Variants in EPHA6 observed in about 807,000 individuals in gnomAD.
EPHA6 encodes EPH receptor A6, also known as ephrin type-A receptor 6.
Under a neutral mutation model 112.0 loss-of-function variants are expected in EPHA6, and 50 were observed. The observed-to-expected ratio is 0.45, with a 90% CI of 0.36 to 0.56. The LOEUF is 0.56. EPHA6 is among the 20% of genes least tolerant of loss of function. The pLI is 0.00. For missense variants in EPHA6, 1,280 were observed against 1,417.4 expected, an observed-to-expected ratio of 0.90 and a Z score of 1.56; for synonymous variants, 529 against 490.7, an observed-to-expected ratio of 1.08 and a Z score of -1.03.
At chr3:97,226,526 C>A in intron 4 of EPHA6, 107 bp downstream of exon 4, 1 of 1,025,082 alleles carries the variant, frequency 9.8e-7, no homozygotes, top group Non-Finnish European at 1.4e-6. Context: ...ATTATCAATG[C>A]CATTTGTCTG....
At chr3:97,404,739 G>A (rs988496939) in intron 5 of EPHA6, among the ~76,000 whole-genome samples, 1 of 152,044 alleles carries the variant, frequency 6.6e-6, no homozygotes, top group Non-Finnish European at 1.5e-5. Flanking sequence ...TAGAGGAAAG[G>A]GAGAAGCCTA....
intron 11 of EPHA6, among the ~76,000 whole-genome samples, chr3:97,581,317 T>G (rs1455834732): frequency 1.3e-5 from 2 of 152,222 alleles, no homozygotes; most frequent in Non-Finnish European, 1.5e-5. Flanking sequence ...CTATCTTGCA[T>G]GAATGTTGTC....
intron 14 of EPHA6, among the ~76,000 whole-genome samples, chr3:97,706,653 G>T (rs1372881287): frequency 1.3e-5 from 2 of 152,118 alleles, no homozygotes; most frequent in East Asian, 1.9e-4. Flanking sequence ...CTCTGAAGGG[G>T]TGTCCTAGTC....
intron 2 of EPHA6, among the ~76,000 whole-genome samples, chr3:96,968,073 G>T (rs2042190293): frequency 6.6e-6 from 1 of 150,992 alleles, no homozygotes; most frequent in Admixed American, 6.6e-5. Context: ...ATTTTCTGTA[G>T]TTTACAATGT....
At chr3:97,328,006 T>TACACACACAC (rs2082548610) in intron 5 of EPHA6, among the ~76,000 whole-genome samples, 6 of 135,594 alleles carry the variant, frequency 4.4e-5, no homozygotes, top group African/African-American at 1.3e-4. Flanking sequence ...TGTATGTATA[T>TACACACACAC]GTATATGTGT....
intron 5 of EPHA6, among the ~76,000 whole-genome samples, chr3:97,379,969 G>C (rs1181391318): frequency 6.6e-6 from 1 of 152,030 alleles, no homozygotes; most frequent in Non-Finnish European, 1.5e-5. Flanking sequence ...TAATGTGGCA[G>C]ACAAATTTGC....
chr3:96,933,184 C>A (rs528230825), intron 2 of EPHA6, among the ~76,000 whole-genome samples: 1 of 152,084 alleles, frequency 6.6e-6, no homozygotes, highest in Non-Finnish European at 1.5e-5. Flanking sequence ...ATTTCCTAAG[C>A]AAGGACATAA....
chr3:97,268,429 T>C (rs1196061428), intron 5 of EPHA6, among the ~76,000 whole-genome samples: 1 of 152,154 alleles, frequency 6.6e-6, no homozygotes, highest in Non-Finnish European at 1.5e-5. Flanking sequence ...TTTGTTAATT[T>C]AACTATTTAA....
At chr3:96,904,749 C>G (rs911160897) in intron 2 of EPHA6, among the ~76,000 whole-genome samples, 6 of 151,994 alleles carry the variant, frequency 3.9e-5, no homozygotes, top group Admixed American at 2.0e-4. Context: ...AAATGTACAG[C>G]AGATATGTAT....
chr3:96,831,751 A>G (rs1200979728), intron 1 of EPHA6, among the ~76,000 whole-genome samples: 1 of 152,074 alleles, frequency 6.6e-6, no homozygotes, highest in Non-Finnish European at 1.5e-5. Flanking sequence ...AAGCAATAGG[A>G]ATTGAAGCTA....
chr3:97,439,296 G>C (rs374090883), intron 6 of EPHA6, among the ~76,000 whole-genome samples: 1 of 152,076 alleles, frequency 6.6e-6, no homozygotes, highest in Non-Finnish European at 1.5e-5. Context: ...TTAATGATAC[G>C]TCCCCAGAAA....
chr3:97,016,357 G>T (rs183239620), intron 3 of EPHA6, among the ~76,000 whole-genome samples: 15 of 152,114 alleles, frequency 9.9e-5, no homozygotes, highest in African/African-American at 3.1e-4. Context: ...AGTTTTGACA[G>T]AATCTCCACT....
At chr3:96,942,602 C>T (rs543403819) in intron 2 of EPHA6, among the ~76,000 whole-genome samples, 17 of 152,330 alleles carry the variant, frequency 1.1e-4, no homozygotes, top group East Asian at 5.8e-4. Context: ...GGCTAGCACA[C>T]GGTGCGCTGC....
chr3:97,426,573 T>G (rs543779996), intron 6 of EPHA6, among the ~76,000 whole-genome samples: 35 of 152,232 alleles, frequency 2.3e-4, no homozygotes, highest in African/African-American at 7.9e-4. Flanking sequence ...GACTTAAATA[T>G]AAAACCAAAA....
At chr3:97,572,661 T>G (rs1488828515) in intron 11 of EPHA6, 1 of 152,176 alleles carries the variant, frequency 6.6e-6, no homozygotes, top group Non-Finnish European at 1.5e-5. Flanking sequence ...AAGTATAACA[T>G]ATTTTTATTT....
intron 4 of EPHA6, among the ~76,000 whole-genome samples, chr3:97,227,297 T>TCCACCTCCCGGATTCTCC (rs2078388746): frequency 1.3e-5 from 2 of 151,784 alleles, no homozygotes; most frequent in Non-Finnish European, 1.5e-5. Context: ...CCCGGCTCAC[T>TCCACCTCCCGGATTCTCC]GCAGCCTCCA....
chr3:96,923,644 G>A (rs1417814418), intron 2 of EPHA6, among the ~76,000 whole-genome samples: 4 of 151,528 alleles, frequency 2.6e-5, no homozygotes, highest in Non-Finnish European at 5.9e-5. Context: ...TTTAATTAGA[G>A]CTCAATTTTT....
chr3:97,349,745 A>G (rs926266637), intron 5 of EPHA6, among the ~76,000 whole-genome samples: 2 of 152,012 alleles, frequency 1.3e-5, no homozygotes, highest in East Asian at 1.9e-4. Context: ...AGTGATCTTC[A>G]TGAGACTTAG....
intron 5 of EPHA6, among the ~76,000 whole-genome samples, chr3:97,355,472 G>T (rs573820222): frequency 2.6e-5 from 4 of 152,042 alleles, no homozygotes; most frequent in African/African-American, 9.6e-5. Flanking sequence ...AAAATAATGG[G>T]TCATAAGATG....
Sources: gnomAD v4.1 joint callset for allele counts (sites outside exome capture counted in the v4.1 genomes callset) on GRCh38, gnomAD v4.1.1 for gene constraint, MANE v1.5 for transcripts, NCBI Gene and HGNC (gene_info 2026-07-23, HGNC 2026-07-21) for gene names.